The following ARL11 variants were observed in gnomAD, a reference collection of about 807,000 sequenced individuals.
ARL11 encodes the protein ARF like GTPase 11.
For synonymous variants in ARL11, 91 were observed against 111.2 expected (o/e 0.82, Z 1.15); for missense variants, 239 against 250.6 (o/e 0.95, Z 0.31).
At position 49,633,266 on chromosome 13, in the gene ARL11, T is replaced by G. The variant is rs1265756139; in HGVS notation, c.*2228T>G. ...AGACATGATGGGGAGAGCCTTCTAA[T>G]AAGAGGGAAGAGACTGCTTGGAAGC... is the stretch of plus-strand genomic sequence containing the variant. On this transcript the variant is annotated 3_prime_UTR_variant, in exon 2 of 2. Transcript: ENST00000282026. The G allele has an allele frequency of 6.0e-6, 1 of 167,022 alleles. No individual in the cohort carries two copies. The highest frequency in any genetic ancestry group is 1.5e-5 in the Non-Finnish European group (1 of 68,124). The allele number at this position is 167,022 out of a possible 1,614,324, so 10.3% of individuals were successfully genotyped here. A position where few individuals can be genotyped will look rare whatever the true frequency, so the allele number is the denominator to read the frequency against.
chr13:49,630,523 A>C lies in ARL11; in HGVS notation c.76A>C (p.Thr26Pro), dbSNP rs771958819. ...GATGGGCCTGGACTCGGCGGGCAAG[A>C]CCACGCTCCTTTACAAGCTGAAGGG... Reference protein sequence around the residue: ...VMMGLDSAGKTTLLYKLKGHQ... With the variant: ...VMMGLDSAGKPTLLYKLKGHQ... The change falls in exon 2 of 2, where the codon ACC becomes CCC. Residue 26 changes from threonine to proline, a missense_variant. Thr to Pro is a conservative substitution (Grantham distance 38). Transcript: ENST00000282026. 1.2e-6 allele frequency: 2 copies of C among 1,613,906 alleles called. No individual in the cohort carries two copies. The highest frequency in any genetic ancestry group is 1.7e-6 in the Non-Finnish European group (2 of 1,180,026).
chr13:49,632,903 G>A lies in ARL11; in HGVS notation c.*1865G>A, dbSNP rs1339756170. ...AGGCCTCAGGCCTCATGGAAGGTGA[G>A]ACAGTAAAGACATTACTCCCATAAA... On this transcript the variant is annotated 3_prime_UTR_variant, in exon 2 of 2. Transcript: ENST00000282026. The A allele has an allele frequency of 1.2e-5, 2 of 167,010 alleles. No homozygotes were observed. The highest frequency in any genetic ancestry group is 3.8e-4 in the East Asian group (2 of 5,206). The allele number at this position is 167,010 out of a possible 1,614,324, so 10.3% of individuals were successfully genotyped here. A position where few individuals can be genotyped will look rare whatever the true frequency, so the allele number is the denominator to read the frequency against.
chr13:49,630,434 C>CA lies in ARL11; in HGVS notation c.-13dup, dbSNP rs774909734. The CA allele has an allele frequency of 1.3e-6, 2 of 1,596,060 alleles. No homozygotes were observed. Among genetic ancestry groups the CA allele is most frequent in the Non-Finnish European group, 1.7e-6 (2 of 1,168,126 alleles). ...GCCCTGGCCTTTCTCCCCTAGGATT[C>CA]AGCAGTGGCCACCATGGGTTCTGTG... On this transcript the variant is annotated 5_prime_UTR_variant, in exon 2 of 2. Transcript: ENST00000282026.
chr13:49,630,996 G>A lies in ARL11; in HGVS notation c.549G>A (p.Ala183=), dbSNP rs757752049. ...CTCGCAGCTGCATGTGTCTGCAGGCGAGAGCCCATGGGGCTGAGCGCGGAG... is the reference window on the plus strand; with the variant it reads ...CTCGCAGCTGCATGTGTCTGCAGGCAAGAGCCCATGGGGCTGAGCGCGGAG... ...LKSRSCMCLQ[A]RAHGAERGDS... is the part of the protein sequence containing the mutation. The change falls in exon 2 of 2, where the codon GCG becomes GCA. Residue 183 remains alanine (A), a synonymous_variant. Coordinates refer to ENST00000282026, the MANE Select transcript of ARL11 (RefSeq NM_138450.6). 1.2e-5 allele frequency: 19 copies of A among 1,605,752 alleles called. No homozygotes were observed. Among genetic ancestry groups the A allele is most frequent in the African/African-American group, 8.0e-5 (6 of 74,774 alleles).
In ARL11 at chr13:49,630,409, G is replaced by A. The variant is rs183080069; in HGVS notation, c.-18-21G>A. On this transcript the variant is annotated intron_variant, in intron 1 of 1. Transcript: ENST00000282026. Reference sequence around the variant, plus strand: ...CTTCAGAAGACAGTAGCTGATGTGTGCCCTGGCCTTTCTCCCCTAGGATTC... The same window carrying A: ...CTTCAGAAGACAGTAGCTGATGTGTACCCTGGCCTTTCTCCCCTAGGATTC... 1,046 of 1,514,120 alleles carry A rather than the reference G, an allele frequency of 6.9e-4. 9 individuals carry two copies. The Admixed American group carries it at 0.017, about 24-fold the overall frequency. 93.8% of individuals were successfully genotyped at this position (1,514,120 alleles called of 1,614,324 possible). A position where few individuals can be genotyped will look rare whatever the true frequency, so the allele number is the denominator to read the frequency against.
rs1187009656 is a variant in ARL11 at position 49,630,860 on chromosome 13, G to A, written c.413G>A (p.Arg138Lys). The A allele has an allele frequency of 1.9e-6, 3 of 1,598,716 alleles. No homozygotes were observed. Among genetic ancestry groups the A allele is most frequent in the East Asian group, 2.2e-5 (1 of 44,614 alleles). The change falls in exon 2 of 2, where the codon AGG becomes AAG. Residue 138 changes from arginine to lysine, a missense_variant. Arg to Lys is a conservative substitution (Grantham distance 26). Coordinates refer to ENST00000282026, the MANE Select transcript of ARL11 (RefSeq NM_138450.6). ...DALPLLKIRN[R>K]LSLERFQDHC... ...CTTCCGCTGCTTAAGATCAGAAACAGGCTGAGTCTAGAGAGATTCCAGGAC... is the reference window on the plus strand; with the variant it reads ...CTTCCGCTGCTTAAGATCAGAAACAAGCTGAGTCTAGAGAGATTCCAGGAC...
chr13:49,629,196 G>A (rs1408956675), intron 1 of ARL11, among the ~76,000 whole-genome samples: 4 of 152,122 alleles, frequency 2.6e-5, no homozygotes, highest in East Asian at 1.9e-4. Context: ...CTGGGAAGTC[G>A]AGGCTGCAGT....
Position 49,630,744 on chromosome 13 carries a change from G to A in ARL11, c.297G>A (p.Ser99=), listed in dbSNP as rs3803186. 79,720 of 1,613,960 alleles carry A rather than the reference G, an allele frequency of 0.049. 3,747 individuals carry two copies. The highest frequency in any genetic ancestry group is 0.23 in the East Asian group (10,191 of 44,868). The change falls in exon 2 of 2, where the codon TCG becomes TCA. Residue 99 remains serine, a synonymous_variant. Coordinates refer to ENST00000282026, the MANE Select transcript of ARL11 (RefSeq NM_138450.6). ...CAGATGAAGCCCGCTTACCCGAGTC[G>A]GCGGCTGAGCTCACAGAAGTCCTGA... ...DSTDEARLPE[S]AAELTEVLND...
Position 49,630,995 on chromosome 13 carries a change from C to A in ARL11, c.548C>A (p.Ala183Glu), listed in dbSNP as rs115070474. The A allele has an allele frequency of 7.1e-4, 1,136 of 1,606,362 alleles. 5 individuals carry two copies. In the African/African-American group the frequency reaches 0.012, roughly 17 times the overall value. ...TCTCGCAGCTGCATGTGTCTGCAGG[C>A]GAGAGCCCATGGGGCTGAGCGCGGA... ...LKSRSCMCLQ[A>E]RAHGAERGDS... is the part of the protein sequence containing the mutation. Residue 183 changes from alanine to glutamate, a missense_variant, in exon 2 of 2, where the codon GCG (alanine) becomes GAG (glutamate). Ala to Glu is a moderately radical substitution (Grantham distance 107). Transcript: ENST00000282026.
rs1365107313 is a variant in ARL11 at position 49,633,843 on chromosome 13, C to G, written c.*2805C>G. 1 of 167,030 alleles carries G rather than the reference C, an allele frequency of 6.0e-6. No homozygotes were observed. The highest frequency in any genetic ancestry group is 1.5e-5 in the Non-Finnish European group (1 of 68,108). The allele number at this position is 167,030 out of a possible 1,614,324, so 10.3% of individuals were successfully genotyped here. ...TTCCATTATCTGTACTCCCAACAAC[C>G]CTGCCGGATATATTTGTTGGCTTTC... is the stretch of plus-strand genomic sequence containing the variant. On this transcript the variant is annotated 3_prime_UTR_variant, in exon 2 of 2. Transcript: ENST00000282026.
Position 49,631,785 on chromosome 13 carries a change from C to T in ARL11, c.*747C>T, listed in dbSNP as rs542593434. 1.2e-4 allele frequency: 20 copies of T among 166,442 alleles called. No homozygotes were observed. Among genetic ancestry groups the T allele is most frequent in the African/African-American group, 3.4e-4 (14 of 41,434 alleles). 10.3% of individuals were successfully genotyped at this position (166,442 alleles called of 1,614,324 possible). A position where few individuals can be genotyped will look rare whatever the true frequency, so the allele number is the denominator to read the frequency against. ...CCAGGAAGTGGAGGTTGCAGTGAGCCGAGATTGTGCTGCTGCACTCCAGCC... is the reference window on the plus strand; with the variant it reads ...CCAGGAAGTGGAGGTTGCAGTGAGCTGAGATTGTGCTGCTGCACTCCAGCC... On this transcript the variant is annotated 3_prime_UTR_variant, in exon 2 of 2. Transcript: ENST00000282026.
intron 1 of ARL11, 64 bp from the exon 2 acceptor site, chr13:49,630,366 C>G: frequency 8.5e-7 from 1 of 1,170,430 alleles, no homozygotes. Context: ...GCCACTGCAC[C>G]AGGATGGATT....
In ARL11 at chr13:49,630,428, A is replaced by G. The variant is rs893573543; in HGVS notation, c.-18-2A>G. 6.3e-7 allele frequency: 1 copy of G among 1,585,098 alleles called. No homozygotes were observed. Reference sequence around the variant, plus strand: ...ATGTGTGCCCTGGCCTTTCTCCCCTAGGATTCAGCAGTGGCCACCATGGGT... The same window carrying G: ...ATGTGTGCCCTGGCCTTTCTCCCCTGGGATTCAGCAGTGGCCACCATGGGT... On this transcript the variant is annotated splice_acceptor_variant, in intron 1 of 1. Coordinates refer to ENST00000282026, the MANE Select transcript of ARL11 (RefSeq NM_138450.6). LOFTEE classifies it low-confidence loss of function (5UTR_SPLICE).
Position 49,633,063 on chromosome 13 carries a change from C to G in ARL11, c.*2025C>G, listed in dbSNP as rs1395246180. 1 of 166,782 alleles carries G rather than the reference C, an allele frequency of 6.0e-6. No homozygotes were observed. The highest frequency in any genetic ancestry group is 1.5e-5 in the Non-Finnish European group (1 of 68,112). 10.3% of individuals were successfully genotyped at this position (166,782 alleles called of 1,614,324 possible). A position where few individuals can be genotyped will look rare whatever the true frequency, so the allele number is the denominator to read the frequency against. On this transcript the variant is annotated 3_prime_UTR_variant, in exon 2 of 2. Coordinates refer to ENST00000282026, the MANE Select transcript of ARL11 (RefSeq NM_138450.6). ...ACAACTCTGCAAAATATATATATTCCCATTTTATAAAACTACAAACTGAGG... is the reference window on the plus strand; with the variant it reads ...ACAACTCTGCAAAATATATATATTCGCATTTTATAAAACTACAAACTGAGG...
At chr13:49,629,569 C>T (rs375773689) in intron 1 of ARL11, among the ~76,000 whole-genome samples, 2 of 152,228 alleles carry the variant, frequency 1.3e-5, no homozygotes, top group Non-Finnish European at 1.5e-5. Context: ...TTTAGATACA[C>T]GAATACTTAG....
At position 49,632,839 on chromosome 13, in the gene ARL11, G is replaced by A. The variant is rs1366428533; in HGVS notation, c.*1801G>A. The A allele has an allele frequency of 1.4e-5, 2 of 140,376 alleles. No individual in the cohort carries two copies. Among genetic ancestry groups the A allele is most frequent in the African/African-American group, 2.8e-5 (1 of 36,232 alleles). 8.7% of individuals were successfully genotyped at this position (140,376 alleles called of 1,614,324 possible). On this transcript the variant is annotated 3_prime_UTR_variant, in exon 2 of 2. Coordinates refer to ENST00000282026, the MANE Select transcript of ARL11 (RefSeq NM_138450.6). ...CTTGTCAGTCAACATGTTTCAAGAC[G>A]CTGTGTTAGACACTAGGGATGCAAA...
intron 1 of ARL11, 80 bp from the exon 2 acceptor site, chr13:49,630,350 G>A: frequency 2.0e-6 from 2 of 982,716 alleles, no homozygotes; most frequent in South Asian, 1.5e-5. Flanking sequence ...GGGATTACAG[G>A]TGTGAGCCAC....
intron 1 of ARL11, among the ~76,000 whole-genome samples, chr13:49,628,858 G>A (rs1594390737): frequency 6.6e-6 from 1 of 152,198 alleles, no homozygotes; most frequent in African/African-American, 2.4e-5. Flanking sequence ...TTGGGAGGCC[G>A]GGCAGGTGGA....
rs1195438251 is a variant in ARL11, at chr13:49,633,610, G to C, written c.*2572G>C. The C allele has an allele frequency of 6.0e-6, 1 of 167,048 alleles. No homozygotes were observed. Among genetic ancestry groups the C allele is most frequent in the Admixed American group, 6.5e-5 (1 of 15,276 alleles). 10.3% of individuals were successfully genotyped at this position (167,048 alleles called of 1,614,324 possible). A position where few individuals can be genotyped will look rare whatever the true frequency, so the allele number is the denominator to read the frequency against. On this transcript the variant is annotated 3_prime_UTR_variant, in exon 2 of 2. Coordinates refer to ENST00000282026, the MANE Select transcript of ARL11 (RefSeq NM_138450.6). ...AAAGGAGGGAGTGGAAGAGAGATGA[G>C]AAAATTGAGAGCTATTATTAAGAAA...
Sources: gnomAD v4.1 joint callset for allele counts (sites outside exome capture counted in the v4.1 genomes callset) on GRCh38, gnomAD v4.1.1 for gene constraint, MANE v1.5 for transcripts, NCBI Gene and HGNC (gene_info 2026-07-23, HGNC 2026-07-21) for gene names.